Variants in PLA2G12B observed in about 807,000 individuals in gnomAD.
PLA2G12B encodes group XIIB secretory phospholipase A2-like protein.
A neutral mutation model predicts 22.3 loss-of-function variants in PLA2G12B; 19 were observed. The ratio of observed to expected loss-of-function variants is 0.85; its 90% CI spans 0.60 to 1.25. PLA2G12B has a LOEUF of 1.25. Ranked by LOEUF, PLA2G12B falls within the 50% of genes most tolerant of loss-of-function variation. The pLI is 0.00. For missense variants in PLA2G12B, 191 were observed against 246.6 expected (o/e 0.77, Z 1.51); for synonymous variants, 81 against 94.9 (o/e 0.85, Z 0.85).
At chr10:72,941,837 T>C (rs1256282915) in intron 2 of PLA2G12B, among the ~76,000 whole-genome samples, 2 of 151,840 alleles carry the variant, frequency 1.3e-5, no homozygotes, top group Non-Finnish European at 2.9e-5. Flanking sequence ...TGTGTGGGTG[T>C]GTGTGTTGGA....
intron 1 of PLA2G12B, among the ~76,000 whole-genome samples, chr10:72,944,033 T>C (rs1391944809): frequency 6.6e-6 from 1 of 151,868 alleles, no homozygotes; most frequent in Non-Finnish European, 1.5e-5. Flanking sequence ...TCTTCCTTTC[T>C]TCCTTCCTTC....
chr10:72,935,843 A>C, intron 3 of PLA2G12B, 105 bp from the exon 4 acceptor site: 8 of 1,374,386 alleles, frequency 5.8e-6, no homozygotes, highest in Non-Finnish European at 7.9e-6. Context: ...AGTAATCCAA[A>C]TACAGAATTC....
At chr10:72,936,844 A>G (rs1846286706) in intron 3 of PLA2G12B, among the ~76,000 whole-genome samples, 1 of 152,234 alleles carries the variant, frequency 6.6e-6, no homozygotes, top group Non-Finnish European at 1.5e-5. Context: ...AGAAAAAAAG[A>G]GAGGACTCAA....
In PLA2G12B at chr10:72,954,749, G is replaced by A; in HGVS notation, c.-64C>T. On this transcript the variant is annotated 5_prime_UTR_variant, in exon 1 of 4. Transcript: ENST00000373032. ...CCAGCCAGTGTCCCAGAATTCCAGG[G>A]ACAAACCCCCTACCCAGATGTCAGG... is the stretch of plus-strand genomic sequence containing the variant. The A allele has an allele frequency of 1.9e-6, 3 of 1,551,704 alleles. No individual in the cohort carries two copies. Among genetic ancestry groups the A allele is most frequent in the South Asian group, 2.2e-5 (2 of 89,078 alleles).
chr10:72,939,501 C>A (rs181619987), intron 3 of PLA2G12B, among the ~76,000 whole-genome samples: 2 of 152,270 alleles, frequency 1.3e-5, no homozygotes, highest in Admixed American at 6.5e-5. Flanking sequence ...TTTGATTCAC[C>A]GGGTTGGAAA....
chr10:72,950,841 T>C (rs919101187), intron 1 of PLA2G12B, among the ~76,000 whole-genome samples: 1 of 152,244 alleles, frequency 6.6e-6, no homozygotes, highest in East Asian at 1.9e-4. Context: ...TTTATTAAAG[T>C]GTGAAAGCGT....
intron 1 of PLA2G12B, 139 bp from the exon 2 acceptor site, chr10:72,942,879 GTGATGA>G: frequency 1.5e-6 from 1 of 669,348 alleles, no homozygotes; most frequent in Non-Finnish European, 2.5e-6. Flanking sequence ...TCCAAATCAG[GTGATGA>G]TGATGATGAT....
At chr10:72,938,271 A>G (rs1345994354) in intron 3 of PLA2G12B, among the ~76,000 whole-genome samples, 1 of 152,192 alleles carries the variant, frequency 6.6e-6, no homozygotes, top group Non-Finnish European at 1.5e-5. Flanking sequence ...AAATGCTTTT[A>G]CTCTAAGATC....
At chr10:72,951,540 C>T (rs749675881) in intron 1 of PLA2G12B, among the ~76,000 whole-genome samples, 4 of 148,358 alleles carry the variant, frequency 2.7e-5, no homozygotes, top group South Asian at 2.1e-4. Context: ...TCACTGCAAG[C>T]TCTGCCTCCC....
chr10:72,937,905 A>G (rs1846302422), intron 3 of PLA2G12B, among the ~76,000 whole-genome samples: 2 of 152,098 alleles, frequency 1.3e-5, no homozygotes, highest in Admixed American at 1.3e-4. Context: ...AGGCTGAGGC[A>G]GGAGTTCCAG....
In PLA2G12B at chr10:72,941,603, C is replaced by T. The variant is rs531867204; in HGVS notation, c.301-269G>A. The stretch of plus-strand genomic sequence containing the variant: ...TTCAGATGTTAGTAATTTTAAAATT[C>T]AGAGGCAGCTTACAGTAATGAAAAT... On this transcript the variant is annotated intron_variant, in intron 2 of 3. Coordinates refer to ENST00000373032, the MANE Select transcript of PLA2G12B (RefSeq NM_032562.5). 2.7e-4 allele frequency among the ~76,000 whole-genome samples: 41 copies of T among 152,132 alleles called. No homozygotes were observed. The South Asian group carries it at 7.7e-3, about 29-fold the overall frequency.
intron 3 of PLA2G12B, among the ~76,000 whole-genome samples, 198 bp downstream of exon 3, chr10:72,940,971 G>A (rs571842799): frequency 1.3e-5 from 2 of 152,248 alleles, no homozygotes; most frequent in Non-Finnish European, 1.5e-5. Context: ...CCAGCAGCTC[G>A]CGGGCAGGAC....
intron 2 of PLA2G12B, among the ~76,000 whole-genome samples, chr10:72,942,258 C>T (rs1846375179): frequency 6.6e-6 from 1 of 151,812 alleles, no homozygotes; most frequent in Middle Eastern, 3.4e-3. Flanking sequence ...CAGCTGCTTG[C>T]AAAAGTCATG....
chr10:72,935,463 TCACTTTC>T lies in PLA2G12B; in HGVS notation c.*147_*153del. ...TTCAAATTTCCTCAAAGGATAGGAC[TCACTTTC>T]CAGCTGTAGAAAAATGTTCCCTTTC... is the stretch of plus-strand genomic sequence containing the variant. On this transcript the variant is annotated 3_prime_UTR_variant, in exon 4 of 4. Transcript: ENST00000373032. The T allele has an allele frequency of 1.7e-6, 2 of 1,143,198 alleles. No individual in the cohort carries two copies. Among genetic ancestry groups the T allele is most frequent in the Non-Finnish European group, 2.5e-6 (2 of 812,322 alleles). The allele number at this position is 1,143,198 out of a possible 1,614,324, so 70.8% of individuals were successfully genotyped here. A position where few individuals can be genotyped will look rare whatever the true frequency, so the allele number is the denominator to read the frequency against.
At chr10:72,953,244 C>T (rs1846561453) in intron 1 of PLA2G12B, among the ~76,000 whole-genome samples, 1 of 152,104 alleles carries the variant, frequency 6.6e-6, no homozygotes, top group African/African-American at 2.4e-5. Flanking sequence ...AGATTTTAAC[C>T]ATAGATTGTT....
rs1337147726 is a variant in PLA2G12B, at chr10:72,954,697, G to A, written c.-12C>T. ...CTGGCCAGCTTCATCCTGCAGCCAGGTAGGTACTGGCTTCTCTCCTCAAAC... is the reference window on the plus strand; with the variant it reads ...CTGGCCAGCTTCATCCTGCAGCCAGATAGGTACTGGCTTCTCTCCTCAAAC... On this transcript the variant is annotated 5_prime_UTR_variant, in exon 1 of 4. Coordinates refer to ENST00000373032, the MANE Select transcript of PLA2G12B (RefSeq NM_032562.5). 1 of 1,613,294 alleles carries A rather than the reference G, an allele frequency of 6.2e-7. No individual in the cohort carries two copies. Among genetic ancestry groups the A allele is most frequent in the African/African-American group, 1.3e-5 (1 of 74,930 alleles).
intron 1 of PLA2G12B, among the ~76,000 whole-genome samples, chr10:72,947,759 G>A (rs751596287): frequency 2.0e-5 from 3 of 152,140 alleles, no homozygotes; most frequent in Admixed American, 6.6e-5. Flanking sequence ...TGGCTTACAC[G>A]GCAGAAATTT....
At chr10:72,943,495 G>A (rs1207278167) in intron 1 of PLA2G12B, among the ~76,000 whole-genome samples, 3 of 152,182 alleles carry the variant, frequency 2.0e-5, no homozygotes, top group Non-Finnish European at 2.9e-5. Context: ...TTCCATAAAC[G>A]TAGACAGAGT....
chr10:72,953,811 GA>G (rs1846570941), intron 1 of PLA2G12B, among the ~76,000 whole-genome samples: 1 of 152,174 alleles, frequency 6.6e-6, no homozygotes, highest in African/African-American at 2.4e-5. Flanking sequence ...AAGTCCAGGG[GA>G]CAGCCCCGGG....
Sources: allele counts gnomAD v4.1 joint callset (sites outside exome capture counted in the v4.1 genomes callset), GRCh38; gene constraint gnomAD v4.1.1; transcripts MANE v1.5; gene names NCBI Gene and HGNC (gene_info 2026-07-23, HGNC 2026-07-21).